Variants in CMYA5 observed in about 807,000 individuals in gnomAD.
CMYA5 encodes the protein cardiomyopathy associated 5.
In CMYA5, 246 loss-of-function variants were observed where a neutral mutation model predicts 318.9. That is an observed-to-expected ratio of 0.77 (90% CI 0.70 to 0.86). The LOEUF (loss-of-function observed/expected upper bound fraction) is 0.86, where lower values mean the gene tolerates loss of function less well. CMYA5 is among the 40% of genes least tolerant of loss of function. The pLI is 0.00. For synonymous variants in CMYA5, 1,641 were observed against 1,729.5 expected (o/e 0.95, Z 1.27); for missense variants, 4,589 against 4,678.2 (o/e 0.98, Z 0.56).
In CMYA5 at chr5:79,731,486, A is replaced by G; in HGVS notation, c.2721A>G (p.Pro907=). The G allele has an allele frequency of 6.2e-7, 1 of 1,607,600 alleles. No homozygotes were observed. Among genetic ancestry groups the G allele is most frequent in the Non-Finnish European group, 8.5e-7 (1 of 1,176,554 alleles). The change falls in exon 2 of 13, where the codon CCA becomes CCG. Residue 907 remains proline (P), a synonymous_variant. Transcript: ENST00000446378. ...STSASEFSVP[P]YATPEAQEEE... Reference sequence around the variant, plus strand: ...CTGCTTCTGAATTTTCAGTACCACCATATGCAACACCGGAGGCACAGGAGG... The same window carrying G: ...CTGCTTCTGAATTTTCAGTACCACCGTATGCAACACCGGAGGCACAGGAGG...
At chr5:79,722,422 A>C (rs1380384249) in intron 1 of CMYA5, among the ~76,000 whole-genome samples, 1 of 152,180 alleles carries the variant, frequency 6.6e-6, no homozygotes, top group Non-Finnish European at 1.5e-5. Flanking sequence ...CATGCATGTA[A>C]TCCCAGCACT....
chr5:79,745,324 G>A lies in CMYA5; in HGVS notation c.10837G>A (p.Val3613Met). ...TGAGAAAGCCCAGAGCTTTGAGGAA[G>A]TGAAGAAGAAGAAGATGGAGTTCCT... is the stretch of plus-strand genomic sequence containing the variant. Reference protein sequence around the residue: ...YDEKAQSFEEVKKKKMEFLHE... With the variant: ...YDEKAQSFEEMKKKKMEFLHE... The change falls in exon 4 of 13, where the codon GTG becomes ATG. Residue 3613 changes from valine (V) to methionine (M), a missense_variant. By Grantham distance (21) the Val-to-Met change is conservative. This residue lies in a region of CMYA5 where 2,431 missense variants were observed against 2,495.1 expected (regional missense o/e 0.97). Transcript: ENST00000446378. 1.9e-6 allele frequency: 3 copies of A among 1,613,896 alleles called. No individual in the cohort carries two copies. Among genetic ancestry groups the A allele is most frequent in the South Asian group, 2.2e-5 (2 of 91,088 alleles).
At chr5:79,748,524 T>C (rs200593662) in intron 5 of CMYA5, among the ~76,000 whole-genome samples, 1,095 of 39,152 alleles carry the variant, frequency 0.028, 5 homozygotes, top group African/African-American at 0.13. Context: ...TATCTACCTA[T>C]CTATCTATCT....
At chr5:79,751,320 G>A (rs1828426894) in intron 5 of CMYA5, among the ~76,000 whole-genome samples, 2 of 152,096 alleles carry the variant, frequency 1.3e-5, no homozygotes, top group East Asian at 1.9e-4. Flanking sequence ...CCTCGAATGT[G>A]CTGTACTTGG....
intron 1 of CMYA5, among the ~76,000 whole-genome samples, chr5:79,706,245 G>C (rs1203720325): frequency 1.3e-5 from 2 of 152,110 alleles, no homozygotes; most frequent in East Asian, 3.9e-4. Flanking sequence ...AGGTGAGATG[G>C]TCACATGGGG....
chr5:79,737,584 A>G lies in CMYA5; in HGVS notation c.8819A>G (p.Gln2940Arg), dbSNP rs1453322250. 1 of 1,613,766 alleles carries G rather than the reference A, an allele frequency of 6.2e-7. No homozygotes were observed. Among genetic ancestry groups the G allele is most frequent in the Non-Finnish European group, 8.5e-7 (1 of 1,179,818 alleles). Residue 2940 changes from glutamine to arginine, a missense_variant, in exon 2 of 13, where the codon CAG becomes CGG. By Grantham distance (43) the Gln-to-Arg change is conservative. Coordinates refer to ENST00000446378, the MANE Select transcript of CMYA5 (RefSeq NM_153610.5). ...AAGCCAGCCGGACTTTCAGAAGATC[A>G]GAAGACTGCCTTTAGTATCATTTCT... Reference protein sequence around the residue: ...TSKPAGLSEDQKTAFSIISEG... With the variant: ...TSKPAGLSEDRKTAFSIISEG...
chr5:79,799,640 G>T lies in CMYA5; in HGVS notation c.*24G>T. 6.3e-7 allele frequency: 1 copy of T among 1,592,338 alleles called. No individual in the cohort carries two copies. The highest frequency in any genetic ancestry group is 1.1e-5 in the South Asian group (1 of 88,840). On this transcript the variant is annotated 3_prime_UTR_variant, in exon 13 of 13. Transcript: ENST00000446378. ...GATCCTTGGCTTTCAGAATTTGCAAGAACAGCGATTTGAATTTTGGGGGGG... is the reference window on the plus strand; with the variant it reads ...GATCCTTGGCTTTCAGAATTTGCAATAACAGCGATTTGAATTTTGGGGGGG...
At chr5:79,773,494 A>T (rs904023559) in intron 9 of CMYA5, among the ~76,000 whole-genome samples, 10 of 152,304 alleles carry the variant, frequency 6.6e-5, no homozygotes, top group Admixed American at 2.6e-4. Context: ...TAACCCTTAC[A>T]TAGGTTCTGG....
rs200750206 is a variant in CMYA5 at position 79,743,806 on chromosome 5, T to C, written c.10639-21T>C. 3.1e-6 allele frequency: 4 copies of C among 1,292,026 alleles called. No homozygotes were observed. In the African/African-American group the frequency reaches 4.5e-5, roughly 14 times the overall value. 80.0% of individuals were successfully genotyped at this position (1,292,026 alleles called of 1,614,324 possible). On this transcript the variant is annotated intron_variant, in intron 2 of 12. Coordinates refer to ENST00000446378, the MANE Select transcript of CMYA5 (RefSeq NM_153610.5). ...CTTCCTAAATGTCATATACTAAGGA[T>C]ATCTTAATTCTTTTCTTCAGGTTCA...
At chr5:79,794,154 A>C (rs2151101472) in intron 12 of CMYA5, among the ~76,000 whole-genome samples, 1 of 152,354 alleles carries the variant, frequency 6.6e-6, no homozygotes, top group African/African-American at 2.4e-5. Context: ...GGGGGTTGGC[A>C]AACTATAGCC....
chr5:79,723,776 G>GAA lies in CMYA5; in HGVS notation c.150-5128_150-5127dup, dbSNP rs112255186. Among the ~76,000 whole-genome samples the GAA allele has an allele frequency of 3.1e-4, 37 of 118,408 alleles. 1 individual carries two copies. The highest frequency in any genetic ancestry group is 1.6e-3 in the Admixed American group (18 of 11,084). The allele number at this position is 118,408 out of a possible 152,430, so 77.7% of individuals were successfully genotyped here. ...GTCCCTGTCTCAAAAACAAAACAAT[G>GAA]AAAAAAAAAAAAGAAAAGAAAAGGA... On this transcript the variant is annotated intron_variant, in intron 1 of 12. Coordinates refer to ENST00000446378, the MANE Select transcript of CMYA5 (RefSeq NM_153610.5).
chr5:79,776,458 T>G (rs1213623623), intron 9 of CMYA5, among the ~76,000 whole-genome samples: 1 of 152,220 alleles, frequency 6.6e-6, no homozygotes, highest in East Asian at 1.9e-4. Context: ...TTTTTTATAT[T>G]TAATGTTGCT....
intron 4 of CMYA5, 51 bp from the exon 5 acceptor site, chr5:79,747,036 TTCTC>T (rs1308292075): frequency 3.8e-6 from 4 of 1,057,296 alleles, no homozygotes; most frequent in Non-Finnish European, 5.6e-6. Flanking sequence ...CTCTCTCTCT[TTCTC>T]TCTCTCTTTT....
rs2151088741 is a variant in CMYA5, at chr5:79,739,180, A to G, written c.10415A>G (p.Gln3472Arg). ...AATGAATTTGCGAGTGAGGCAGAAC[A>G]AAGTACACCTGCTGAACAAAAAGAG... ...SENEFASEAE[Q>R]STPAEQKELG... Residue 3472 changes from glutamine (Q) to arginine (R), a missense_variant, in exon 2 of 13, where the codon CAA (glutamine) becomes CGA (arginine). Physicochemically the swap from Gln to Arg is conservative, Grantham distance 43. Coordinates refer to ENST00000446378, the MANE Select transcript of CMYA5 (RefSeq NM_153610.5). The G allele has an allele frequency of 6.2e-7, 1 of 1,613,632 alleles. No individual in the cohort carries two copies. The highest frequency in any genetic ancestry group is 2.2e-5 in the East Asian group (1 of 44,844).
intron 1 of CMYA5, among the ~76,000 whole-genome samples, chr5:79,706,950 GC>G (rs1397693037): frequency 1.3e-5 from 2 of 152,022 alleles, no homozygotes; most frequent in Non-Finnish European, 2.9e-5. Context: ...TCCTTACCCT[GC>G]ACCCTTAGTT....
intron 1 of CMYA5, among the ~76,000 whole-genome samples, chr5:79,724,072 C>T (rs1043679939): frequency 1.3e-5 from 2 of 151,984 alleles, no homozygotes; most frequent in South Asian, 4.1e-4. Flanking sequence ...AATCCCAGCA[C>T]TTTGGGAGGC....
At position 79,736,180 on chromosome 5, in the gene CMYA5, T is replaced by C. The variant is rs752967769; in HGVS notation, c.7415T>C (p.Val2472Ala). ...NRSYTLAEKK[V>A]LAEKQNSVAP... ...TCATATACCTTGGCAGAAAAGAAGG[T>C]GCTGGCAGAAAAACAAAACTCTGTG... The change falls in exon 2 of 13, where the codon GTG becomes GCG. Residue 2472 changes from valine to alanine, a missense_variant. By Grantham distance (64) the Val-to-Ala change is moderately conservative. This residue lies in a region of CMYA5 where 2,431 missense variants were observed against 2,495.1 expected (regional missense o/e 0.97). Transcript: ENST00000446378. The C allele has an allele frequency of 1.2e-6, 2 of 1,613,624 alleles. No homozygotes were observed. Among genetic ancestry groups the C allele is most frequent in the Non-Finnish European group, 1.7e-6 (2 of 1,179,746 alleles).
chr5:79,743,442 G>A (rs1044449438), intron 2 of CMYA5, among the ~76,000 whole-genome samples: 2 of 152,080 alleles, frequency 1.3e-5, no homozygotes, highest in African/African-American at 4.8e-5. Context: ...CAGGTATATT[G>A]GACCAGTTTA....
At chr5:79,762,023 C>T (rs1303982339) in intron 8 of CMYA5, 66 bp downstream of exon 8, 3 of 1,510,756 alleles carry the variant, frequency 2.0e-6, no homozygotes, top group Non-Finnish European at 1.8e-6. Flanking sequence ...CTCTTGAGAT[C>T]AGCCAGTAAG....
Sources: gnomAD v4.1 joint callset for allele counts (sites outside exome capture counted in the v4.1 genomes callset) on GRCh38, gnomAD v4.1.1 for gene constraint, gnomAD v4.1.1 regional missense constraint, MANE v1.5 for transcripts, NCBI Gene and HGNC (gene_info 2026-07-23, HGNC 2026-07-21) for gene names.